The following GTF2A1L variants were observed in gnomAD, a reference collection of about 807,000 sequenced individuals.
GTF2A1L encodes general transcription factor IIA subunit 1 like, also known as TFIIA-alpha and beta-like factor.
A neutral mutation model predicts 49.7 loss-of-function variants in GTF2A1L; 48 were observed. That is an observed-to-expected ratio of 0.97 (90% CI 0.77 to 1.23). GTF2A1L has a LOEUF of 1.23. Among genes scored for constraint, GTF2A1L ranks in the 50% most tolerant of loss-of-function variants. The probability of loss-of-function intolerance (pLI) is 0.00; values close to 1 mark genes in which losing one functional copy is unlikely to be tolerated. For synonymous variants in GTF2A1L, 246 were observed against 193.5 expected (o/e 1.27, Z -2.25); for missense variants, 736 against 564.8 (o/e 1.30, Z -3.07).
At chr2:48,621,000 C>T in intron 2 of GTF2A1L, 48 bp downstream of exon 2, 1 of 1,568,010 alleles carries the variant, frequency 6.4e-7, no homozygotes, top group Non-Finnish European at 8.7e-7. Flanking sequence ...TTGTTTTTTT[C>T]AGCATACAAA....
At chr2:48,661,645 G>C (rs1047002110) in intron 6 of GTF2A1L, among the ~76,000 whole-genome samples, 1 of 151,880 alleles carries the variant, frequency 6.6e-6, no homozygotes, top group Non-Finnish European at 1.5e-5. Flanking sequence ...ATCATTATGT[G>C]ATTAAAAATT....
intron 3 of GTF2A1L, among the ~76,000 whole-genome samples, chr2:48,641,200 C>T (rs1677179348): frequency 6.6e-6 from 1 of 152,166 alleles, no homozygotes; most frequent in East Asian, 1.9e-4. Flanking sequence ...CTCACTTCAG[C>T]TAATGAAGAC....
intron 1 of GTF2A1L, among the ~76,000 whole-genome samples, chr2:48,620,396 C>T (rs1318916701): frequency 6.6e-6 from 1 of 152,208 alleles, no homozygotes. Flanking sequence ...TAGGAATGTA[C>T]ATAGTAAAAG....
At chr2:48,661,246 A>ATTTTTTTTTTTTTTTTT (rs1558757501) in intron 6 of GTF2A1L, among the ~76,000 whole-genome samples, 8 of 71,862 alleles carry the variant, frequency 1.1e-4, no homozygotes, top group African/African-American at 4.9e-4. Flanking sequence ...GCATCCCCAA[A>ATTTTTTTTTTTTTTTTT]CTTTTTTTTT....
intron 8 of GTF2A1L, among the ~76,000 whole-genome samples, chr2:48,674,475 A>C (rs984975402): frequency 1.3e-5 from 2 of 152,116 alleles, no homozygotes; most frequent in Non-Finnish European, 2.9e-5. Context: ...AAATAAGGTC[A>C]CTTTCTCCAC....
chr2:48,679,241 C>T (rs1001814529), intron 8 of GTF2A1L, 94 bp from the exon 9 acceptor site: 23 of 1,474,508 alleles, frequency 1.6e-5, no homozygotes, highest in Admixed American at 7.3e-5. Context: ...ACTCACATTT[C>T]GGGTGAGAAT....
intron 3 of GTF2A1L, among the ~76,000 whole-genome samples, chr2:48,640,978 G>A (rs1016143802): frequency 6.6e-6 from 1 of 152,098 alleles, no homozygotes; most frequent in Admixed American, 6.5e-5. Context: ...TTATTCCAAT[G>A]TCTATAAAGA....
At chr2:48,643,693 A>ATTTTTTT (rs71399070) in intron 4 of GTF2A1L, among the ~76,000 whole-genome samples, 1 of 120,784 alleles carries the variant, frequency 8.3e-6, no homozygotes. Context: ...TATTAATACA[A>ATTTTTTT]TTTTTTTTTT....
intron 2 of GTF2A1L, 55 bp from the exon 3 acceptor site, chr2:48,621,112 A>G: frequency 6.4e-7 from 1 of 1,553,436 alleles, no homozygotes; most frequent in Non-Finnish European, 8.7e-7. Flanking sequence ...AAAGAGAAGT[A>G]TCATTATATG....
chr2:48,669,679 C>G, intron 6 of GTF2A1L, 43 bp from the exon 7 acceptor site: 1 of 1,563,924 alleles, frequency 6.4e-7, no homozygotes, highest in Non-Finnish European at 8.7e-7. Flanking sequence ...ATTTTATATA[C>G]CTTATTTGAC....
chr2:48,675,194 T>C (rs1418249063), intron 8 of GTF2A1L, among the ~76,000 whole-genome samples: 1 of 152,164 alleles, frequency 6.6e-6, no homozygotes, highest in Admixed American at 6.5e-5. Flanking sequence ...TAGCACGCTT[T>C]TGTTATGCCA....
intron 3 of GTF2A1L, among the ~76,000 whole-genome samples, chr2:48,622,723 A>G (rs1389564887): frequency 1.3e-5 from 2 of 151,974 alleles, no homozygotes; most frequent in African/African-American, 2.4e-5. Context: ...AATCCTAGCT[A>G]CTTGGGAGGC....
At chr2:48,661,717 T>G (rs914186390) in intron 6 of GTF2A1L, among the ~76,000 whole-genome samples, 14 of 152,150 alleles carry the variant, frequency 9.2e-5, no homozygotes, top group Non-Finnish European at 2.1e-4. Context: ...GGTGGTAACA[T>G]AGCCACTGCA....
At position 48,619,496 on chromosome 2, in the gene GTF2A1L, A is replaced by T. The variant is rs192224197; in HGVS notation, c.22-1355A>T. ...AAAAAAAAAAAATAATAATAATAATAAAAAAAAAGCACAGCTACTCTTGGC... is the reference window on the plus strand; with the variant it reads ...AAAAAAAAAAAATAATAATAATAATTAAAAAAAAGCACAGCTACTCTTGGC... On this transcript the variant is annotated intron_variant, in intron 1 of 8. Coordinates refer to ENST00000403751, the MANE Select transcript of GTF2A1L (RefSeq NM_006872.5). Among the ~76,000 whole-genome samples, 469 of 150,262 alleles carry T rather than the reference A, an allele frequency of 3.1e-3. 2 individuals carry two copies. The highest frequency in any genetic ancestry group is 4.4e-3 in the South Asian group (21 of 4,736).
chr2:48,674,737 T>A (rs1162699994), intron 8 of GTF2A1L, among the ~76,000 whole-genome samples: 1 of 152,194 alleles, frequency 6.6e-6, no homozygotes, highest in Admixed American at 6.5e-5. Flanking sequence ...ATGTGGGAGA[T>A]ACCTTGTAAT....
intron 3 of GTF2A1L, among the ~76,000 whole-genome samples, chr2:48,628,771 A>C (rs537020441): frequency 6.9e-6 from 1 of 144,058 alleles, no homozygotes; most frequent in South Asian, 2.3e-4. Context: ...TTGAGAATTT[A>C]GTTATAAATT....
Position 48,617,894 on chromosome 2 carries a change from T to C in GTF2A1L, c.20T>C (p.Val7Ala), listed in dbSNP as rs1344701439. 6.4e-7 allele frequency: 1 copy of C among 1,551,796 alleles called. No homozygotes were observed. The highest frequency in any genetic ancestry group is 2.0e-5 in the Admixed American group (1 of 51,002). ...GCTGTCATGGCCTGCCTCAACCCGG[T>C]GGTAAGGAAGACCTCAGGCTCTGTG... MACLNP[V>A]PKLYRSVIED... The change falls in exon 1 of 9, where the codon GTG becomes GCG. Residue 7 changes from valine to alanine, a missense_variant and splice_region_variant. By Grantham distance (64) the Val-to-Ala change is moderately conservative. Transcript: ENST00000403751.
At chr2:48,632,672 C>T (rs572179974) in intron 3 of GTF2A1L, 19 of 160,578 alleles carry the variant, frequency 1.2e-4, no homozygotes, top group East Asian at 7.5e-4. Flanking sequence ...TGAGCCACCA[C>T]GCCAGCCGAC....
chr2:48,641,209 A>C (rs1240124821), intron 3 of GTF2A1L, among the ~76,000 whole-genome samples: 2 of 152,190 alleles, frequency 1.3e-5, no homozygotes, highest in Non-Finnish European at 2.9e-5. Flanking sequence ...GCTAATGAAG[A>C]CTAATACCAC....
Sources: gnomAD v4.1 joint callset for allele counts (sites outside exome capture counted in the v4.1 genomes callset) on GRCh38, gnomAD v4.1.1 for gene constraint, MANE v1.5 for transcripts, NCBI Gene and HGNC (gene_info 2026-07-23, HGNC 2026-07-21) for gene names.